The following ZHX3 variants were observed in gnomAD, a reference collection of about 807,000 sequenced individuals.
ZHX3 encodes the protein zinc fingers and homeoboxes protein 3.
Under a neutral mutation model 64.5 loss-of-function variants are expected in ZHX3, and 20 were observed. The observed-to-expected ratio is 0.31, with a 90% CI of 0.22 to 0.45. The LOEUF is 0.45. Among genes scored for constraint, ZHX3 ranks in the 20% least tolerant of loss-of-function variants. The pLI, the probability that ZHX3 is intolerant of heterozygous loss-of-function variation, is 1.00. For missense variants in ZHX3, 1,041 were observed against 1,195.8 expected (o/e 0.87, Z 1.91); for synonymous variants, 423 against 461.6 (o/e 0.92, Z 1.07).
At chr20:41,240,874 AT>A (rs1429877938) in intron 2 of ZHX3, among the ~76,000 whole-genome samples, 1 of 152,210 alleles carries the variant, frequency 6.6e-6, no homozygotes, top group Non-Finnish European at 1.5e-5. Context: ...ATAGTACTTC[AT>A]TGTGTATATG....
Position 41,203,802 on chromosome 20 carries a change from C to T in ZHX3, c.1115G>A (p.Arg372Gln), listed in dbSNP as rs1568817822. Reference sequence around the variant, plus strand: ...GATGACTGTATTGAACATCTTTTTCCGGGCATCCTCAATCTCCTCAGGGGA... The same window carrying T: ...GATGACTGTATTGAACATCTTTTTCTGGGCATCCTCAATCTCCTCAGGGGA... ...SWSPEEIEDA[R>Q]KKMFNTVIQS... Residue 372 changes from arginine to glutamine, a missense_variant, in exon 3 of 4, where the codon CGG (arginine) becomes CAG (glutamine). Transcript: ENST00000683867. This position sits in a 1 kb window ranked among gnomAD's most constrained non-coding sequence, Gnocchi z 7.1. 1.3e-5 allele frequency: 21 copies of T among 1,614,080 alleles called. No homozygotes were observed. The highest frequency in any genetic ancestry group is 1.7e-5 in the Admixed American group (1 of 60,010).
chr20:41,222,169 T>C (rs1486467954), intron 2 of ZHX3, among the ~76,000 whole-genome samples: 1 of 152,082 alleles, frequency 6.6e-6, no homozygotes, highest in African/African-American at 2.4e-5. Flanking sequence ...ATGGTAGAGA[T>C]GGAGGTAAGA....
chr20:41,281,134 C>G (rs768897728), intron 1 of ZHX3, among the ~76,000 whole-genome samples: 27 of 152,116 alleles, frequency 1.8e-4, no homozygotes, highest in Non-Finnish European at 2.8e-4. Context: ...TGTATTTGCA[C>G]CAGACTTCTC....
chr20:41,203,206 C>G lies in ZHX3; in HGVS notation c.1711G>C (p.Val571Leu). The G allele has an allele frequency of 6.2e-7, 1 of 1,614,168 alleles. No individual in the cohort carries two copies. The highest frequency in any genetic ancestry group is 8.5e-7 in the Non-Finnish European group (1 of 1,180,036). The part of the protein sequence containing the change: ...GDHSSIIIDS[V>L]PEVSFSPSSK... ...GATGGGGAGAAGGACACCTCTGGCA[C>G]AGAGTCAATGATGATGGAACTGTGA... The change falls in exon 3 of 4, where the codon GTG becomes CTG. Residue 571 changes from valine to leucine, a missense_variant. Physicochemically the swap from Val to Leu is conservative, Grantham distance 32 (BLOSUM62 1). This residue lies in a region of ZHX3 where 649 missense variants were observed against 739.8 expected (regional missense o/e 0.88). Transcript: ENST00000683867. This position sits in a 1 kb window ranked among gnomAD's most constrained non-coding sequence, Gnocchi z 7.1.
At position 41,183,847 on chromosome 20, in the gene ZHX3, T is replaced by G. The variant is rs2036331460; in HGVS notation, c.*1344A>C. ...ATTTAGAACAGCTCTGTAAGCAAGTTTTCTAATTTTCAAAGGCACCATTTC... is the reference window on the plus strand; with the variant it reads ...ATTTAGAACAGCTCTGTAAGCAAGTGTTCTAATTTTCAAAGGCACCATTTC... On this transcript the variant is annotated 3_prime_UTR_variant, in exon 4 of 4. Transcript: ENST00000683867. The surrounding 1 kb of genome is among the most constrained non-coding windows in gnomAD (Gnocchi z 5.3). 1 of 152,192 alleles carries G rather than the reference T, an allele frequency of 6.6e-6. No homozygotes were observed. The highest frequency in any genetic ancestry group is 1.5e-5 in the Non-Finnish European group (1 of 68,034). 9.4% of individuals were successfully genotyped at this position (152,192 alleles called of 1,614,324 possible). A position where few individuals can be genotyped will look rare whatever the true frequency, so the allele number is the denominator to read the frequency against.
At chr20:41,259,473 C>T (rs961091117) in intron 2 of ZHX3, among the ~76,000 whole-genome samples, 1 of 152,154 alleles carries the variant, frequency 6.6e-6, no homozygotes, top group African/African-American at 2.4e-5. Context: ...ATAATTTAAA[C>T]ATCCACCAAC....
intron 3 of ZHX3, among the ~76,000 whole-genome samples, chr20:41,194,621 A>G (rs908568758): frequency 3.9e-5 from 6 of 152,068 alleles, no homozygotes; most frequent in Admixed American, 1.3e-4. Context: ...ATTTTTTTGG[A>G]GGAGTTTGAG....
At chr20:41,286,911 G>A (rs1225227494) in intron 1 of ZHX3, among the ~76,000 whole-genome samples, 2 of 151,222 alleles carry the variant, frequency 1.3e-5, no homozygotes, top group African/African-American at 4.9e-5. Flanking sequence ...TTTCCCCTGA[G>A]CTCTCTCTCT....
intron 1 of ZHX3, among the ~76,000 whole-genome samples, chr20:41,315,330 G>A (rs540156711): frequency 2.9e-5 from 4 of 137,134 alleles, no homozygotes; most frequent in East Asian, 2.2e-4. Context: ...TTACAGGCAC[G>A]CACCACCAGG....
At chr20:41,269,759 G>A (rs1004379693) in intron 1 of ZHX3, among the ~76,000 whole-genome samples, 3 of 151,950 alleles carry the variant, frequency 2.0e-5, no homozygotes, top group Admixed American at 6.5e-5. Flanking sequence ...GTCCCAAAGC[G>A]AGTATACCAG....
At position 41,203,049 on chromosome 20, in the gene ZHX3, T is replaced by G; in HGVS notation, c.1868A>C (p.Gln623Pro). Residue 623 changes from glutamine (Q) to proline (P), a missense_variant, in exon 3 of 4, where the codon CAG (glutamine) becomes CCG (proline). Gln to Pro is a moderately conservative substitution (Grantham distance 76, BLOSUM62 -1). Around this residue, in one of 4 missense-constraint regions of ZHX3, gnomAD observed 649 missense variants for 739.8 expected, o/e 0.88. Coordinates refer to ENST00000683867, the MANE Select transcript of ZHX3 (RefSeq NM_001384317.1). This position sits in a 1 kb window ranked among gnomAD's most constrained non-coding sequence, Gnocchi z 7.1. ...AAAACTGCTCTCCAGGGCTCTGAGC[T>G]GCTCAGGGGCTCTCTCCTTGTATTT... ...PTKYKERAPE[Q>P]LRALESSFAQ... 6.2e-7 allele frequency: 1 copy of G among 1,614,216 alleles called. No individual in the cohort carries two copies. The highest frequency in any genetic ancestry group is 8.5e-7 in the Non-Finnish European group (1 of 1,180,028).
chr20:41,243,241 G>A (rs1297281599), intron 2 of ZHX3, among the ~76,000 whole-genome samples: 1 of 152,174 alleles, frequency 6.6e-6, no homozygotes, highest in Admixed American at 6.5e-5. Flanking sequence ...CAGTGAATAG[G>A]ATGTGCTACC....
Position 41,203,045 on chromosome 20 carries a change from G to A in ZHX3, c.1872C>T (p.Leu624=). The change falls in exon 3 of 4, where the codon CTC becomes CTT. Residue 624 remains leucine, a synonymous_variant. Transcript: ENST00000683867. This position sits in a 1 kb window ranked among gnomAD's most constrained non-coding sequence, Gnocchi z 7.1. ...TKYKERAPEQ[L]RALESSFAQN... Reference sequence around the variant, plus strand: ...GTGCAAAACTGCTCTCCAGGGCTCTGAGCTGCTCAGGGGCTCTCTCCTTGT... The same window carrying A: ...GTGCAAAACTGCTCTCCAGGGCTCTAAGCTGCTCAGGGGCTCTCTCCTTGT... 1 of 1,614,206 alleles carries A rather than the reference G, an allele frequency of 6.2e-7. No homozygotes were observed. Among genetic ancestry groups the A allele is most frequent in the Non-Finnish European group, 8.5e-7 (1 of 1,180,038 alleles).
At chr20:41,263,167 C>T (rs1283171083) in intron 2 of ZHX3, among the ~76,000 whole-genome samples, 2 of 152,010 alleles carry the variant, frequency 1.3e-5, no homozygotes, top group East Asian at 1.9e-4. Context: ...AGATATAGAA[C>T]CTTCAAAGAT....
chr20:41,287,162 GAATC>G (rs1270433988), intron 1 of ZHX3, among the ~76,000 whole-genome samples: 1 of 152,030 alleles, frequency 6.6e-6, no homozygotes, highest in Non-Finnish European at 1.5e-5. Flanking sequence ...TGAATAACAG[GAATC>G]AATCATTTAT....
intron 2 of ZHX3, among the ~76,000 whole-genome samples, chr20:41,268,179 G>C (rs1193700723): frequency 6.6e-6 from 1 of 152,140 alleles, no homozygotes; most frequent in Non-Finnish European, 1.5e-5. Context: ...AAGTTGTACA[G>C]AACTTCCAGC....
chr20:41,285,934 A>G (rs1358955222), intron 1 of ZHX3, among the ~76,000 whole-genome samples: 1 of 152,228 alleles, frequency 6.6e-6, no homozygotes, highest in Non-Finnish European at 1.5e-5. Flanking sequence ...TAAATGATCA[A>G]TAAATGCTAT....
At chr20:41,218,472 T>C (rs1384531921) in intron 2 of ZHX3, among the ~76,000 whole-genome samples, 1 of 151,962 alleles carries the variant, frequency 6.6e-6, no homozygotes, top group African/African-American at 2.4e-5. Context: ...AATAAATAAA[T>C]GGTAAAAAGG....
chr20:41,303,758 G>T (rs2044894473), intron 1 of ZHX3, among the ~76,000 whole-genome samples: 1 of 151,898 alleles, frequency 6.6e-6, no homozygotes, highest in Non-Finnish European at 1.5e-5. Context: ...CTTTCTCCTG[G>T]CTCCTCCTTT....
Sources: gnomAD v4.1 joint callset for allele counts (sites outside exome capture counted in the v4.1 genomes callset) on GRCh38, gnomAD v4.1.1 for gene constraint, gnomAD v4.1.1 regional missense constraint, Gnocchi (gnomAD v3.1) non-coding constraint, MANE v1.5 for transcripts, NCBI Gene and HGNC (gene_info 2026-07-23, HGNC 2026-07-21) for gene names.